Variants in MYBPC1 observed in about 807,000 individuals in gnomAD.
The protein encoded by MYBPC1 is myosin binding protein C1.
A neutral mutation model predicts 147.1 loss-of-function variants in MYBPC1; 52 were observed. The ratio of observed to expected loss-of-function variants is 0.35; its 90% confidence interval spans 0.28 to 0.45. The LOEUF (loss-of-function observed/expected upper bound fraction) is 0.45, where lower values mean the gene tolerates loss of function less well. Among genes scored for constraint, MYBPC1 ranks in the 20% least tolerant of loss-of-function variants. The pLI, the probability that MYBPC1 is intolerant of heterozygous loss-of-function variation, is 1.00. For synonymous variants in MYBPC1, 477 were observed against 475.9 expected (o/e 1.00, Z -0.03); for missense variants, 1,228 against 1,440.3 (o/e 0.85, Z 2.39).
intron 24 of MYBPC1, among the ~76,000 whole-genome samples, chr12:101,670,978 T>C (rs910379733): frequency 9.9e-6 from 1 of 101,144 alleles, no homozygotes; most frequent in African/African-American, 2.8e-5. Context: ...ATTTTGGTCT[T>C]ATACAAATAC....
Position 101,625,008 on chromosome 12 carries a change from A to G in MYBPC1, c.104-1864A>G, listed in dbSNP as rs953146263. On this transcript the variant is annotated intron_variant, in intron 3 of 31. Coordinates refer to ENST00000361466, the MANE Select transcript of MYBPC1 (RefSeq NM_002465.4). ...GTTAGTGACTTGCTGGGTAACTAGT[A>G]AGGTACTAAATTGATAAATGTGTAC... 5.0e-5 allele frequency among the ~76,000 whole-genome samples: 5 copies of G among 100,490 alleles called. No homozygotes were observed. The East Asian group carries it at 1.8e-3, about 36-fold the overall frequency. 65.9% of individuals were successfully genotyped at this position (100,490 alleles called of 152,430 possible).
chr12:101,627,032 G>T (rs825074), intron 4 of MYBPC1, 122 bp downstream of exon 4: 3 of 877,208 alleles, frequency 3.4e-6, no homozygotes, highest in Non-Finnish European at 5.5e-6. Context: ...AACAGTTTTC[G>T]CCTGTGCTGG....
chr12:101,604,605 A>G (rs1178176739), intron 1 of MYBPC1, among the ~76,000 whole-genome samples: 1 of 152,228 alleles, frequency 6.6e-6, no homozygotes, highest in African/African-American at 2.4e-5. Context: ...TTTAAAAAAT[A>G]AAGTACAGTG....
In MYBPC1 at chr12:101,663,479, G is replaced by A. The variant is rs1308036814; in HGVS notation, c.2275G>A (p.Val759Ile). Residue 759 changes from valine to isoleucine, a missense_variant, in exon 22 of 32, where the codon GTC (valine) becomes ATC (isoleucine). Transcript: ENST00000361466. ...TGTGGACTCTGTCACTGACACGACT[G>A]TCACGATGAGGTGGCGCCCCCCAGA... ...LTVDSVTDTTVTMRWRPPDHI... is the reference protein window; with the variant it reads ...LTVDSVTDTTITMRWRPPDHI... 4 of 1,613,920 alleles carry A rather than the reference G, an allele frequency of 2.5e-6. No homozygotes were observed. In the African/African-American group the frequency reaches 5.3e-5, roughly 22 times the overall value.
At chr12:101,608,783 T>G (rs889275153) in intron 1 of MYBPC1, among the ~76,000 whole-genome samples, 3 of 152,174 alleles carry the variant, frequency 2.0e-5, no homozygotes, top group Non-Finnish European at 2.9e-5. Context: ...TAGCCCTAAT[T>G]GCTCTCCTGC....
chr12:101,617,648 T>C (rs968287014), intron 3 of MYBPC1, among the ~76,000 whole-genome samples: 2 of 152,202 alleles, frequency 1.3e-5, no homozygotes, highest in African/African-American at 4.8e-5. Flanking sequence ...CAGGGTTCAC[T>C]AATAATTTTG....
In MYBPC1 at chr12:101,617,260, G is replaced by A. The variant is rs114579024; in HGVS notation, c.103+17G>A. ...CAGCAAAAGGTGAGTTGGAGGGAGG[G>A]AGAGTGAGGCTGAAGTCAACAAAAT... On this transcript the variant is annotated intron_variant, in intron 3 of 31. Coordinates refer to ENST00000361466, the MANE Select transcript of MYBPC1 (RefSeq NM_002465.4). 1,223 of 1,613,480 alleles carry A rather than the reference G, an allele frequency of 7.6e-4. 12 individuals carry two copies. The African/African-American group carries it at 0.015, about 19-fold the overall frequency.
In MYBPC1 at chr12:101,642,599, G is replaced by C; in HGVS notation, c.832+14G>C. 1.2e-6 allele frequency: 2 copies of C among 1,605,292 alleles called. No individual in the cohort carries two copies. Among genetic ancestry groups the C allele is most frequent in the Non-Finnish European group, 1.7e-6 (2 of 1,176,432 alleles). ...AGAAGAGCGCAGGTGAGCGCTCCCG[G>C]GGGCGAGGCAGCGGCCGAGGGGCGT... On this transcript the variant is annotated intron_variant, in intron 11 of 31. Coordinates refer to ENST00000361466, the MANE Select transcript of MYBPC1 (RefSeq NM_002465.4).
intron 22 of MYBPC1, 75 bp from the exon 23 acceptor site, chr12:101,667,657 G>A (rs1304231794): frequency 6.5e-7 from 1 of 1,540,178 alleles, no homozygotes. Context: ...ATTTGGAGTT[G>A]ACTGTAATGG....
At chr12:101,641,115 G>GAAA (rs34380289) in intron 10 of MYBPC1, among the ~76,000 whole-genome samples, 14 of 105,962 alleles carry the variant, frequency 1.3e-4, no homozygotes, top group East Asian at 1.3e-3. Flanking sequence ...CTGTCTCAAA[G>GAAA]AAAAAAAAAA....
At chr12:101,667,987 T>C (rs1897802402) in intron 23 of MYBPC1, 88 bp downstream of exon 23, 1 of 1,438,370 alleles carries the variant, frequency 7.0e-7, no homozygotes, top group African/African-American at 1.5e-5. Flanking sequence ...CAAAACCTCC[T>C]ATTTTGTTGT....
intron 19 of MYBPC1, chr12:101,660,536 G>A (rs1896337053): frequency 1.2e-5 from 2 of 160,920 alleles, no homozygotes; most frequent in African/African-American, 4.8e-5. Flanking sequence ...GTAATGTTGG[G>A]ACACGGGTTT....
chr12:101,686,142 C>T (rs2241555), downstream of MYBPC1: 57,993 of 152,010 alleles, frequency 0.38, 11,417 homozygotes, highest in African/African-American at 0.49. Context: ...GTGCCTTTTT[C>T]TTCTTATTTG....
chr12:101,674,933 C>T (rs1490228408), intron 25 of MYBPC1, among the ~76,000 whole-genome samples: 1 of 148,586 alleles, frequency 6.7e-6, no homozygotes, highest in African/African-American at 2.5e-5. Context: ...TGTTTCCAAT[C>T]ATTGTTATCA....
chr12:101,595,239 C>A lies in MYBPC1; in HGVS notation c.25+144C>A, dbSNP rs1338374785. ...TAAGGAAACGATCTTTTAGATTAAA[C>A]AGACCAGAGGAAAAATACAGCGAGA... On this transcript the variant is annotated intron_variant, in intron 1 of 31. Transcript: ENST00000361466. 11 of 791,658 alleles carry A rather than the reference C, an allele frequency of 1.4e-5. No individual in the cohort carries two copies. In the Admixed American group the frequency reaches 2.1e-4, roughly 15 times the overall value. The allele number at this position is 791,658 out of a possible 1,614,324, so 49.0% of individuals were successfully genotyped here.
chr12:101,636,243 G>A (rs187483362), intron 9 of MYBPC1, among the ~76,000 whole-genome samples: 3 of 152,116 alleles, frequency 2.0e-5, no homozygotes, highest in African/African-American at 7.2e-5. Context: ...TCTGACATTG[G>A]TACACTTCGT....
At chr12:101,595,295 A>T (rs1370001670) in intron 1 of MYBPC1, among the ~76,000 whole-genome samples, 200 bp downstream of exon 1, 10 of 152,216 alleles carry the variant, frequency 6.6e-5, no homozygotes, top group Non-Finnish European at 1.3e-4. Flanking sequence ...TCTGATAACG[A>T]TAGTTTCTAA....
chr12:101,599,360 T>A (rs1343420857), intron 1 of MYBPC1, among the ~76,000 whole-genome samples: 1 of 152,176 alleles, frequency 6.6e-6, no homozygotes, highest in East Asian at 1.9e-4. Flanking sequence ...TTCTGTATCT[T>A]TTTTTTCTTG....
rs1014732581 is a variant in MYBPC1 at position 101,601,830 on chromosome 12, T to G, written c.25+6735T>G. Among the ~76,000 whole-genome samples the G allele has an allele frequency of 2.6e-5, 4 of 152,318 alleles. No individual in the cohort carries two copies. The East Asian group carries it at 7.7e-4, about 29-fold the overall frequency. Reference sequence around the variant, plus strand: ...CTCTTTATAAATTGCTTTGCTTGCATCTGGTGATATCGTTTGCCTTCTAAA... The same window carrying G: ...CTCTTTATAAATTGCTTTGCTTGCAGCTGGTGATATCGTTTGCCTTCTAAA... On this transcript the variant is annotated intron_variant, in intron 1 of 31. Transcript: ENST00000361466.
Sources: allele counts gnomAD v4.1 joint callset (sites outside exome capture counted in the v4.1 genomes callset), GRCh38; gene constraint gnomAD v4.1.1; transcripts MANE v1.5; gene names NCBI Gene and HGNC (gene_info 2026-07-23, HGNC 2026-07-21).